Variants in OSCP1 observed in about 807,000 individuals in gnomAD.
OSCP1 encodes the protein protein OSCP1.
Under a neutral mutation model 45.1 loss-of-function variants are expected in OSCP1, and 35 were observed. The observed-to-expected ratio is 0.78, with a 90% CI of 0.59 to 1.03. OSCP1 has a LOEUF of 1.03. Among genes scored for constraint, OSCP1 ranks in the 50% least tolerant of loss-of-function variants. The probability of loss-of-function intolerance (pLI) is 0.00; values close to 1 mark genes in which losing one functional copy is unlikely to be tolerated. For missense variants in OSCP1, 400 were observed against 470.7 expected, an observed-to-expected ratio of 0.85 and a Z score of 1.39; for synonymous variants, 179 against 180.1, an observed-to-expected ratio of 0.99 and a Z score of 0.05.
chr1:36,425,439 T>G (rs1206386878), intron 4 of OSCP1, among the ~76,000 whole-genome samples: 1 of 151,902 alleles, frequency 6.6e-6, no homozygotes, highest in Non-Finnish European at 1.5e-5. Flanking sequence ...AGACAGTGTA[T>G]AAAAAGTAAA....
chr1:36,422,699 C>G, intron 6 of OSCP1, 69 bp downstream of exon 6: 1 of 1,248,230 alleles, frequency 8.0e-7, no homozygotes, highest in Non-Finnish European at 1.1e-6. Context: ...CTGGCTGTTT[C>G]TCTTTTTTTT....
intron 2 of OSCP1, among the ~76,000 whole-genome samples, chr1:36,435,019 G>T (rs1478566942): frequency 2.0e-5 from 3 of 151,444 alleles, no homozygotes; most frequent in Non-Finnish European, 4.4e-5. Context: ...CTTAAACTCA[G>T]CTTTTTTAAT....
chr1:36,431,962 C>T, intron 3 of OSCP1, 80 bp from the exon 4 acceptor site: 2 of 1,313,216 alleles, frequency 1.5e-6, no homozygotes, highest in South Asian at 1.3e-5. Flanking sequence ...GATGGGTACT[C>T]AGGGATGGGA....
intron 4 of OSCP1, among the ~76,000 whole-genome samples, chr1:36,430,769 C>T (rs1293913529): frequency 1.3e-5 from 2 of 152,212 alleles, no homozygotes; most frequent in Non-Finnish European, 1.5e-5. Flanking sequence ...ATTCTCCTGC[C>T]TCAGCCTCCT....
intron 4 of OSCP1, among the ~76,000 whole-genome samples, chr1:36,430,816 G>A (rs1256295825): frequency 1.3e-5 from 2 of 151,992 alleles, no homozygotes; most frequent in African/African-American, 4.8e-5. Flanking sequence ...CACCATGCCC[G>A]GCTCACTTTT....
chr1:36,418,944 A>ATT, intron 9 of OSCP1, 47 bp downstream of exon 9: 2 of 1,327,274 alleles, frequency 1.5e-6, no homozygotes, highest in South Asian at 1.3e-5. Flanking sequence ...AAAAAAAAAG[A>ATT]TGAGGAAGCG....
chr1:36,437,526 T>C (rs915796918), intron 2 of OSCP1, among the ~76,000 whole-genome samples: 3 of 152,106 alleles, frequency 2.0e-5, no homozygotes, highest in South Asian at 2.1e-4. Context: ...TTATTTTACT[T>C]ATTTATTTTT....
chr1:36,425,890 T>C (rs1647933805), intron 4 of OSCP1, among the ~76,000 whole-genome samples: 1 of 152,080 alleles, frequency 6.6e-6, no homozygotes, highest in Non-Finnish European at 1.5e-5. Context: ...AGCAGGTGCA[T>C]AGAAGCTTGC....
At chr1:36,427,159 C>G (rs1295516022) in intron 4 of OSCP1, among the ~76,000 whole-genome samples, 6 of 151,628 alleles carry the variant, frequency 4.0e-5, no homozygotes, top group African/African-American at 1.2e-4. Flanking sequence ...CGCCACCATG[C>G]CTGGCTAATT....
chr1:36,418,084 G>T lies in OSCP1; in HGVS notation c.*55C>A. 6.8e-7 allele frequency: 1 copy of T among 1,464,296 alleles called. No individual in the cohort carries two copies. The allele number at this position is 1,464,296 out of a possible 1,614,324, so 90.7% of individuals were successfully genotyped here. A position where few individuals can be genotyped will look rare whatever the true frequency, so the allele number is the denominator to read the frequency against. On this transcript the variant is annotated 3_prime_UTR_variant, in exon 10 of 10. Coordinates refer to ENST00000235532, the MANE Select transcript of OSCP1 (RefSeq NM_145047.5). Reference sequence around the variant, plus strand: ...ATTCTGGGCCATGGGGCATTCCCCAGGGGTCACCATCCAGCAGCCTCTCCC... The same window carrying T: ...ATTCTGGGCCATGGGGCATTCCCCATGGGTCACCATCCAGCAGCCTCTCCC...
rs574806325 is a variant in OSCP1 at position 36,447,514 on chromosome 1, G to A, written c.112+2744C>T. 3.3e-5 allele frequency among the ~76,000 whole-genome samples: 5 copies of A among 152,266 alleles called. No individual in the cohort carries two copies. The highest frequency in any genetic ancestry group is 9.6e-5 in the African/African-American group (4 of 41,542). ...CTGAGTATGAGGACATTGGTTATAT[G>A]AGGGGACATTGGTTATAGTAAGGGG... On this transcript the variant is annotated intron_variant, in intron 1 of 9. Coordinates refer to ENST00000235532, the MANE Select transcript of OSCP1 (RefSeq NM_145047.5). The surrounding 1 kb of genome is among the most constrained non-coding windows in gnomAD (Gnocchi z 4.1).
At chr1:36,423,023 GTAA>G (rs3052825) in intron 5 of OSCP1, 127 bp from the exon 6 acceptor site, 51,259 of 514,922 alleles carry the variant, frequency 0.1, 2,818 homozygotes, top group East Asian at 0.25. Flanking sequence ...GGTGCTGGTT[GTAA>G]TAATAATAAT....
intron 4 of OSCP1, chr1:36,428,552 T>C: frequency 6.8e-7 from 1 of 1,477,352 alleles, no homozygotes; most frequent in South Asian, 1.5e-5. Flanking sequence ...TATTATAATT[T>C]TCATTTTTCA....
chr1:36,441,470 C>T (rs1649145194), intron 1 of OSCP1, among the ~76,000 whole-genome samples: 1 of 151,980 alleles, frequency 6.6e-6, no homozygotes, highest in Non-Finnish European at 1.5e-5. Context: ...AATTAGCGTA[C>T]GGGCGCGGTG....
intron 1 of OSCP1, chr1:36,444,106 T>C: frequency 1.2e-5 from 18 of 1,502,308 alleles, no homozygotes; most frequent in Non-Finnish European, 1.7e-5. Flanking sequence ...GCTTTAAACA[T>C]ACCAATTCCA....
At position 36,423,359 on chromosome 1, in the gene OSCP1, TC is replaced by T. The variant is rs1315650282; in HGVS notation, c.620+3del. ...CATAGCTCTGATCATTGTTGGGAAT[TC>T]ACCTGATGAGTCCTGGAACTTCAGT... On this transcript the variant is annotated splice_donor_region_variant and intron_variant, in intron 5 of 9. Coordinates refer to ENST00000235532, the MANE Select transcript of OSCP1 (RefSeq NM_145047.5). The T allele has an allele frequency of 6.3e-7, 1 of 1,596,242 alleles. No homozygotes were observed. Among genetic ancestry groups the T allele is most frequent in the Non-Finnish European group, 8.6e-7 (1 of 1,163,776 alleles).
At chr1:36,422,265 C>G in intron 6 of OSCP1, 46 bp from the exon 7 acceptor site, 3 of 1,536,502 alleles carry the variant, frequency 2.0e-6, no homozygotes, top group Non-Finnish European at 2.7e-6. Flanking sequence ...CCCCTTTCCA[C>G]GGACTTCTCT....
chr1:36,442,208 A>G (rs549686676), intron 1 of OSCP1, among the ~76,000 whole-genome samples: 2 of 150,782 alleles, frequency 1.3e-5, no homozygotes, highest in African/African-American at 4.9e-5. Context: ...CCTGGGCAAC[A>G]AGAGCGAAAC....
In OSCP1 at chr1:36,441,878, G is replaced by A. The variant is rs143975888; in HGVS notation, c.113-2968C>T. On this transcript the variant is annotated intron_variant, in intron 1 of 9. Transcript: ENST00000235532. ...GTGTTGGTTTTTGGCATGCAAATGA[G>A]TTCTGCATACTTTTCACGAGGCCGG... 3.5e-3 allele frequency among the ~76,000 whole-genome samples: 530 copies of A among 151,772 alleles called. 5 individuals are homozygous for A. The highest frequency in any genetic ancestry group is 0.012 in the African/African-American group (486 of 41,352).
Sources: allele counts gnomAD v4.1 joint callset (sites outside exome capture counted in the v4.1 genomes callset), GRCh38; gene constraint gnomAD v4.1.1; non-coding constraint Gnocchi (gnomAD v3.1); transcripts MANE v1.5; gene names NCBI Gene and HGNC (gene_info 2026-07-23, HGNC 2026-07-21).